PROSER3: variants seen among roughly 807,000 people sequenced by gnomAD.
PROSER3 encodes proline and serine-rich protein 3.
Under a neutral mutation model 50.2 loss-of-function variants are expected in PROSER3, and 33 were observed. The ratio of observed to expected loss-of-function variants is 0.66; its 90% CI spans 0.50 to 0.88. PROSER3 has a LOEUF of 0.88. Ranked by LOEUF, PROSER3 falls within the 40% of genes least tolerant of loss-of-function variation. The pLI, the probability that PROSER3 is intolerant of heterozygous loss-of-function variation, is 0.00. For missense variants in PROSER3, 623 were observed against 612.7 expected, an observed-to-expected ratio of 1.02 and a Z score of -0.18; for synonymous variants, 266 against 259.3, an observed-to-expected ratio of 1.03 and a Z score of -0.25.
chr19:35,767,949 C>T (rs374045034), exon 9 of PROSER3: 3 of 1,610,428 alleles, frequency 1.9e-6, no homozygotes, highest in Non-Finnish European at 8.5e-7. Flanking sequence ...AAGGCCTCGC[C>T]GCCAGCCTTC....
chr19:35,759,598 C>A, intron 2 of PROSER3, 128 bp downstream of exon 2: 1 of 1,033,760 alleles, frequency 9.7e-7, no homozygotes, highest in Non-Finnish European at 1.4e-6. Flanking sequence ...GTCCCCTCCC[C>A]ACGGCCCTGC....
chr19:35,765,147 C>A (rs762003029), exon 7 of PROSER3: 7 of 1,613,806 alleles, frequency 4.3e-6, no homozygotes, highest in Non-Finnish European at 5.9e-6. Flanking sequence ...ATCCCTGACT[C>A]CAGCAAGGGC....
At chr19:35,760,353 G>T (rs1446705874) in intron 3 of PROSER3, among the ~76,000 whole-genome samples, 2 of 152,112 alleles carry the variant, frequency 1.3e-5, no homozygotes, top group African/African-American at 4.8e-5. Flanking sequence ...GAGTTGCTGG[G>T]ATTACGATGC....
At position 35,759,231 on chromosome 19, in the gene PROSER3, T is replaced by C. The variant is rs568392418; in HGVS notation, c.12-143T>C. The C allele has an allele frequency of 1.0e-5, 7 of 686,000 alleles. No homozygotes were observed. The African/African-American group carries it at 1.3e-4, about 12-fold the overall frequency. 42.5% of individuals were successfully genotyped at this position (686,000 alleles called of 1,614,324 possible). ...ACCCTTCCACTGTCGATATCCTGAA[T>C]GTGCAACGGTGCTTCATGGAAATGA... On this transcript the variant is annotated intron_variant, in intron 1 of 10. Coordinates refer to ENST00000396908, the Ensembl canonical transcript of PROSER3.
exon 9 of PROSER3, chr19:35,767,807 G>C (rs768609828): frequency 3.7e-6 from 6 of 1,611,964 alleles, no homozygotes; most frequent in Admixed American, 3.3e-5. Flanking sequence ...GGCCAAGGCC[G>C]AGTCTCTGAA....
exon 6 of PROSER3, chr19:35,764,883 G>A: frequency 1.9e-6 from 3 of 1,613,748 alleles, no homozygotes; most frequent in South Asian, 1.1e-5. Context: ...CATCCCTGCT[G>A]GACCTGGAGA....
At chr19:35,768,578 C>G in exon 11 of PROSER3, 1 of 1,301,224 alleles carries the variant, frequency 7.7e-7, no homozygotes, top group Non-Finnish European at 1.0e-6. Context: ...CAGTGAGGCT[C>G]TTTTTTTTTT....
At chr19:35,767,190 CT>C in intron 8 of PROSER3, 2 of 502,926 alleles carry the variant, frequency 4.0e-6, no homozygotes, top group Non-Finnish European at 3.5e-6. Context: ...GAGAGGCCTC[CT>C]TTTCCCTCAG....
intron 8 of PROSER3, 34 bp downstream of exon 8, chr19:35,766,989 TGGAGGAGGG>T (rs1219213779): frequency 3.9e-6 from 6 of 1,529,526 alleles, no homozygotes; most frequent in Non-Finnish European, 5.3e-6. Context: ...TGGGGGGAGC[TGGAGGAGGG>T]GCTGGGTCTG....
chr19:35,761,832 G>T (rs1422818729), intron 3 of PROSER3, among the ~76,000 whole-genome samples, 187 bp from the exon 4 acceptor site: 1 of 152,172 alleles, frequency 6.6e-6, no homozygotes, highest in Non-Finnish European at 1.5e-5. Flanking sequence ...CTGCCCTCCA[G>T]CCTGGGTGAC....
chr19:35,760,180 G>A (rs918280825), intron 3 of PROSER3, among the ~76,000 whole-genome samples, 189 bp downstream of exon 3: 1 of 152,154 alleles, frequency 6.6e-6, no homozygotes, highest in African/African-American at 2.4e-5. Flanking sequence ...TTAACTCTCT[G>A]TATGATCTTG....
chr19:35,761,932 G>A, intron 3 of PROSER3, 87 bp from the exon 4 acceptor site: 1 of 1,407,074 alleles, frequency 7.1e-7, no homozygotes, highest in Non-Finnish European at 9.5e-7. Context: ...CTGCCATGGT[G>A]CTTGGTAAAC....
downstream of PROSER3, chr19:35,769,250 A>G (rs927580512): frequency 9.2e-5 from 14 of 151,568 alleles, no homozygotes; most frequent in African/African-American, 3.2e-4. Flanking sequence ...CTCAAATTCC[A>G]TAGGTCCTAA....
Position 35,767,894 on chromosome 19 carries a change from C to A in PROSER3, c.1048C>A (p.Gln350Lys), listed in dbSNP as rs1971212236. ...CACTCCTTCCCCTGGAGCCTGCCTG[C>A]AGCCCGAGGTCCCACTCTCTCCAGC... Residue 350 changes from glutamine (Q) to lysine (K), a missense_variant, in exon 9 of 11, where the codon CAG becomes AAG. Transcript: ENST00000396908. 6.2e-7 allele frequency: 1 copy of A among 1,613,064 alleles called. No individual in the cohort carries two copies. The highest frequency in any genetic ancestry group is 8.5e-7 in the Non-Finnish European group (1 of 1,179,722).
chr19:35,759,638 C>T (rs987368109), intron 2 of PROSER3, 151 bp from the exon 3 acceptor site: 1 of 980,980 alleles, frequency 1.0e-6, no homozygotes, highest in Non-Finnish European at 1.5e-6. Flanking sequence ...ACCTGGATTC[C>T]CCATCTGAGC....
At chr19:35,761,980 T>C (rs1273238351) in intron 3 of PROSER3, 39 bp from the exon 4 acceptor site, 20 of 1,542,432 alleles carry the variant, frequency 1.3e-5, no homozygotes, top group South Asian at 3.7e-5. Flanking sequence ...TATTTGGCTC[T>C]CCTCACTCCA....
chr19:35,764,960 A>T (rs1333589611), intron 6 of PROSER3, 24 bp downstream of exon 6: 1 of 1,612,380 alleles, frequency 6.2e-7, no homozygotes, highest in Admixed American at 1.7e-5. Flanking sequence ...TGCCCCCATC[A>T]CCCTTCCTAC....
intron 1 of PROSER3, chr19:35,758,516 C>T (rs376726005): frequency 1.3e-5 from 5 of 380,020 alleles, no homozygotes; most frequent in African/African-American, 2.1e-5. Context: ...TTTGAAATGG[C>T]CCCCAGACAC....
exon 7 of PROSER3, chr19:35,765,086 T>G (rs1438776605): frequency 6.2e-7 from 1 of 1,613,842 alleles, no homozygotes; most frequent in Non-Finnish European, 8.5e-7. Context: ...TGCCAGCACT[T>G]CCTCATTCCC....
Sources: gnomAD v4.1 joint callset for allele counts (sites outside exome capture counted in the v4.1 genomes callset) on GRCh38, gnomAD v4.1.1 for gene constraint, MANE v1.5 for transcripts, NCBI Gene and HGNC (gene_info 2026-07-23, HGNC 2026-07-21) for gene names.